Variants in DCHS1 observed in about 807,000 individuals in gnomAD.
DCHS1 encodes dachsous cadherin-related 1.
Under a neutral mutation model 213.9 loss-of-function variants are expected in DCHS1, and 78 were observed. The observed-to-expected ratio is 0.36, with a 90% confidence interval of 0.30 to 0.44. The LOEUF is 0.44. DCHS1 is among the 20% of genes least tolerant of loss of function. DCHS1 has a pLI of 1.00. For synonymous variants in DCHS1, 1,828 were observed against 1,873.7 expected, an observed-to-expected ratio of 0.98 and a Z score of 0.63; for missense variants, 3,946 against 4,395.9, an observed-to-expected ratio of 0.90 and a Z score of 2.89.
rs945496630 is a variant in DCHS1 at position 6,639,924 on chromosome 11, C to T, written c.1690G>A (p.Val564Ile). 6.8e-6 allele frequency: 11 copies of T among 1,613,938 alleles called. No individual in the cohort carries two copies. Among genetic ancestry groups the T allele is most frequent in the Middle Eastern group, 3.3e-4 (2 of 6,084 alleles). The change falls in exon 2 of 21, where the codon GTT becomes ATT. Residue 564 changes from valine to isoleucine, a missense_variant. Around this residue, in one of 3 missense-constraint regions of DCHS1, gnomAD observed 3,384 missense variants for 3,780.1 expected, o/e 0.90. Transcript: ENST00000299441. ...GLPPLASSAT[V>I]SVALQDVNDN... ...TTCACATCTTGCAGGGCCACGCTAA[C>T]TGTGGCAGAGGAGGCTAGAGGGGGC...
At position 6,624,013 on chromosome 11, in the gene DCHS1, C is replaced by T. The variant is rs759967107; in HGVS notation, c.7663G>A (p.Val2555Met). ...TCAAAGTCTAGAGGTTCAAGCAACA[C>T]CAGGCAGCCCAGTGCCCGGGGGCCT... The part of the protein sequence containing the change: ...GPGPRALGCL[V>M]LLEPLDFESL... The change falls in exon 21 of 21, where the codon GTG becomes ATG. Residue 2555 changes from valine (V) to methionine (M), a missense_variant. Val to Met is a conservative substitution (Grantham distance 21). Coordinates refer to ENST00000299441, the MANE Select transcript of DCHS1 (RefSeq NM_003737.4). 6.2e-7 allele frequency: 1 copy of T among 1,613,326 alleles called. No homozygotes were observed. The highest frequency in any genetic ancestry group is 8.5e-7 in the Non-Finnish European group (1 of 1,179,590).
rs765854320 is a variant in DCHS1 at position 6,629,491 on chromosome 11, C to T, written c.5122G>A (p.Ala1708Thr). ...PDTGVLTTLR[A>T]LDREEQEEIN... ...TCCTCCTGTTCCTCTCGATCCAGGG[C>T]CCGAAGAGTCGTGAGAACACCAGTG... The change falls in exon 12 of 21, where the codon GCC (alanine) becomes ACC (threonine). Residue 1708 changes from alanine (A) to threonine (T), a missense_variant. Physicochemically the swap from Ala to Thr is moderately conservative, Grantham distance 58 (BLOSUM62 0). This residue lies in a region of DCHS1 where 3,384 missense variants were observed against 3,780.1 expected (regional missense o/e 0.90). Transcript: ENST00000299441. The T allele has an allele frequency of 3.1e-6, 5 of 1,613,010 alleles. No individual in the cohort carries two copies. Among genetic ancestry groups the T allele is most frequent in the South Asian group, 1.1e-5 (1 of 90,750 alleles).
At position 6,626,280 on chromosome 11, in the gene DCHS1, A is replaced by C. The variant is rs761036725; in HGVS notation, c.6465T>G (p.Thr2155=). The change falls in exon 16 of 21, where the codon ACT becomes ACG. Residue 2155 remains threonine (T), a synonymous_variant. Transcript: ENST00000299441. The surrounding 1 kb of genome is among the most constrained non-coding windows in gnomAD (Gnocchi z 5.2). ...QAESGGAFAF[T]VLTLTLQDAN... is the part of the protein sequence containing the mutation. ...CATCTTGCAGGGTCAGGGTCAGCAC[A>C]GTGAAGGCAAAGGCTCCTCCACTCT... 1.9e-6 allele frequency: 3 copies of C among 1,613,274 alleles called. No homozygotes were observed. The highest frequency in any genetic ancestry group is 2.2e-5 in the South Asian group (2 of 90,854).
Position 6,641,884 on chromosome 11 carries a change from C to G in DCHS1, c.-120-151G>C, listed in dbSNP as rs1856082070. Among the ~76,000 whole-genome samples, 1 of 152,218 alleles carries G rather than the reference C, an allele frequency of 6.6e-6. No homozygotes were observed. Among genetic ancestry groups the G allele is most frequent in the South Asian group, 2.1e-4 (1 of 4,828 alleles). ...TCATCTTGGGCCACACGGATCTCTGCCTCAGGACTCTTCGAGGCCACTCCA... is the reference window on the plus strand; with the variant it reads ...TCATCTTGGGCCACACGGATCTCTGGCTCAGGACTCTTCGAGGCCACTCCA... On this transcript the variant is annotated intron_variant, in intron 1 of 20. Transcript: ENST00000299441. This position sits in a 1 kb window ranked among gnomAD's most constrained non-coding sequence, Gnocchi z 7.1.
At chr11:6,644,332 A>C (rs1856124641) in intron 1 of DCHS1, among the ~76,000 whole-genome samples, 4 of 152,172 alleles carry the variant, frequency 2.6e-5, no homozygotes, top group Non-Finnish European at 5.9e-5. Flanking sequence ...AGCCCTGCCA[A>C]CTTCTCCATG....
intron 1 of DCHS1, among the ~76,000 whole-genome samples, chr11:6,650,869 G>A (rs1856232816): frequency 6.6e-6 from 1 of 152,186 alleles, no homozygotes; most frequent in Non-Finnish European, 1.5e-5. Context: ...ATAAGGGAGA[G>A]GAAGAGGATC....
chr11:6,626,242 G>A lies in DCHS1; in HGVS notation c.6503C>T (p.Ala2168Val). ...TLTLQDANDN[A>V]PRFLRPHYVA... ...ATAATGGGGCCGCAGGAAACGGGGAGCATTGTCGTTGGCATCTTGCAGGGT... is the reference window on the plus strand; with the variant it reads ...ATAATGGGGCCGCAGGAAACGGGGAACATTGTCGTTGGCATCTTGCAGGGT... Residue 2168 changes from alanine to valine, a missense_variant, in exon 16 of 21, where the codon GCT becomes GTT. Ala to Val is a moderately conservative substitution (Grantham distance 64). Transcript: ENST00000299441. This position sits in a 1 kb window ranked among gnomAD's most constrained non-coding sequence, Gnocchi z 5.2. 3 of 1,612,372 alleles carry A rather than the reference G, an allele frequency of 1.9e-6. No individual in the cohort carries two copies. Among genetic ancestry groups the A allele is most frequent in the Non-Finnish European group, 2.5e-6 (3 of 1,179,206 alleles).
Position 6,626,872 on chromosome 11 carries a change from A to G in DCHS1, c.6167T>C (p.Val2056Ala). 1 of 1,613,560 alleles carries G rather than the reference A, an allele frequency of 6.2e-7. No homozygotes were observed. Among genetic ancestry groups the G allele is most frequent in the Non-Finnish European group, 8.5e-7 (1 of 1,179,868 alleles). Residue 2056 changes from valine (V) to alanine (A), a missense_variant, in exon 14 of 21, where the codon GTT becomes GCT. Physicochemically the swap from Val to Ala is moderately conservative, Grantham distance 64. Coordinates refer to ENST00000299441, the MANE Select transcript of DCHS1 (RefSeq NM_003737.4). This position sits in a 1 kb window ranked among gnomAD's most constrained non-coding sequence, Gnocchi z 5.2. The part of the protein sequence containing the change: ...PARSATGVII[V>A]GLQGEAERGP... Reference sequence around the variant, plus strand: ...ACGCTCAGCTTCCCCCTGCAGTCCAACAATGATCACACCAGTGGCAGAGCG... The same window carrying G: ...ACGCTCAGCTTCCCCCTGCAGTCCAGCAATGATCACACCAGTGGCAGAGCG...
In DCHS1 at chr11:6,627,979, C is replaced by G. The variant is rs1855839232; in HGVS notation, c.5372-312G>C. 6.6e-6 allele frequency among the ~76,000 whole-genome samples: 1 copy of G among 152,058 alleles called. No homozygotes were observed. Among genetic ancestry groups the G allele is most frequent in the Non-Finnish European group, 1.5e-5 (1 of 68,032 alleles). ...AGATGTACAGTAGAATTTACAGATG[C>G]TCTATGACGTGATGATATAATGTCT... On this transcript the variant is annotated intron_variant, in intron 13 of 20. Transcript: ENST00000299441. The surrounding 1 kb of genome is among the most constrained non-coding windows in gnomAD (Gnocchi z 5.4).
intron 2 of DCHS1, among the ~76,000 whole-genome samples, chr11:6,638,765 C>A (rs149551429): frequency 7.9e-5 from 12 of 152,234 alleles, no homozygotes; most frequent in African/African-American, 2.6e-4. Context: ...TAAATAAAAT[C>A]TTGAACATAT....
intron 1 of DCHS1, among the ~76,000 whole-genome samples, chr11:6,653,598 C>A (rs1425606548): frequency 6.6e-6 from 1 of 152,040 alleles, no homozygotes; most frequent in African/African-American, 2.4e-5. Context: ...GAAAAAAAAT[C>A]ATCTATTTAT....
rs922566104 is a variant in DCHS1, at chr11:6,629,482, G to C, written c.5131C>G (p.Arg1711Gly). Reference protein sequence around the residue: ...GVLTTLRALDREEQEEINLTV... With the variant: ...GVLTTLRALDGEEQEEINLTV... ...AGGTTGATCTCCTCCTGTTCCTCTC[G>C]ATCCAGGGCCCGAAGAGTCGTGAGA... Residue 1711 changes from arginine (R) to glycine (G), a missense_variant, in exon 12 of 21, where the codon CGA becomes GGA. Coordinates refer to ENST00000299441, the MANE Select transcript of DCHS1 (RefSeq NM_003737.4). 1.9e-6 allele frequency: 3 copies of C among 1,612,916 alleles called. No individual in the cohort carries two copies. The highest frequency in any genetic ancestry group is 1.1e-5 in the South Asian group (1 of 90,766).
chr11:6,641,507 C>T lies in DCHS1; in HGVS notation c.107G>A (p.Gly36Glu). The T allele has an allele frequency of 1.3e-6, 2 of 1,559,008 alleles. No individual in the cohort carries two copies. Among genetic ancestry groups the T allele is most frequent in the Non-Finnish European group, 8.7e-7 (1 of 1,152,738 alleles). The part of the protein sequence containing the change: ...LLLLLLLLGA[G>E]VPGAWGQAGS... ...AGCCTGACCCCAGGCACCTGGCACC[C>T]CAGCCCCCAGCAGCAGCAGCAGCAG... The change falls in exon 2 of 21, where the codon GGG becomes GAG. Residue 36 changes from glycine to glutamate, a missense_variant. Coordinates refer to ENST00000299441, the MANE Select transcript of DCHS1 (RefSeq NM_003737.4). This position sits in a 1 kb window ranked among gnomAD's most constrained non-coding sequence, Gnocchi z 7.1.
In DCHS1 at chr11:6,641,559, G is replaced by T. The variant is rs1294983740; in HGVS notation, c.55C>A (p.Pro19Thr). The T allele has an allele frequency of 4.5e-6, 7 of 1,551,172 alleles. No individual in the cohort carries two copies. The highest frequency in any genetic ancestry group is 6.1e-6 in the Non-Finnish European group (7 of 1,147,296). Reference protein sequence around the residue: ...PSCPGMKSPRPHLLLPLLLLL... With the variant: ...PSCPGMKSPRTHLLLPLLLLL... ...AGCAGCAATGGTAGCAGGAGGTGGG[G>T]CCTGGGGCTCTTCATGCCAGGGCAG... Residue 19 changes from proline (P) to threonine (T), a missense_variant, in exon 2 of 21, where the codon CCC becomes ACC. Coordinates refer to ENST00000299441, the MANE Select transcript of DCHS1 (RefSeq NM_003737.4). The surrounding 1 kb of genome is among the most constrained non-coding windows in gnomAD (Gnocchi z 7.1).
chr11:6,628,535 A>T lies in DCHS1; in HGVS notation c.5371+86T>A. The T allele has an allele frequency of 6.8e-7, 1 of 1,470,848 alleles. No individual in the cohort carries two copies. Among genetic ancestry groups the T allele is most frequent in the Non-Finnish European group, 9.5e-7 (1 of 1,054,048 alleles). 91.1% of individuals were successfully genotyped at this position (1,470,848 alleles called of 1,614,324 possible). ...TCAAGAGGGAAAAGGAGACCCAGAC[A>T]CATGCACTGAGGCTGACAGCAGCCA... On this transcript the variant is annotated intron_variant, in intron 13 of 20. Coordinates refer to ENST00000299441, the MANE Select transcript of DCHS1 (RefSeq NM_003737.4). The surrounding 1 kb of genome is among the most constrained non-coding windows in gnomAD (Gnocchi z 4.3).
chr11:6,639,961 T>C lies in DCHS1; in HGVS notation c.1653A>G (p.Thr551=), dbSNP rs754103781. 6.2e-7 allele frequency: 1 copy of C among 1,614,002 alleles called. No homozygotes were observed. The highest frequency in any genetic ancestry group is 1.1e-5 in the South Asian group (1 of 91,080). The part of the protein sequence containing the change: ...EPQPQLIVVA[T]DGGLPPLASS... Reference sequence around the variant, plus strand: ...AGGCTAGAGGGGGCAGGCCACCATCTGTGGCCACCACAATCAGCTGTGGCT... The same window carrying C: ...AGGCTAGAGGGGGCAGGCCACCATCCGTGGCCACCACAATCAGCTGTGGCT... The change falls in exon 2 of 21, where the codon ACA becomes ACG. Residue 551 remains threonine (T), a synonymous_variant. Transcript: ENST00000299441.
Position 6,622,524 on chromosome 11 carries a change from G to T in DCHS1, c.9152C>A (p.Pro3051His). ...DDEIRMINEF[P>H]RVASVASSLA... is the part of the protein sequence containing the mutation. ...AGAGGAGGCCACACTGGCCACACGGGGGAACTCATTGATCATGCGGATCTC... is the reference window on the plus strand; with the variant it reads ...AGAGGAGGCCACACTGGCCACACGGTGGAACTCATTGATCATGCGGATCTC... Residue 3051 changes from proline to histidine, a missense_variant, in exon 21 of 21, where the codon CCC (proline) becomes CAC (histidine). This residue lies in a region of DCHS1 where 554 missense variants were observed against 590.2 expected (regional missense o/e 0.94). Transcript: ENST00000299441. This position sits in a 1 kb window ranked among gnomAD's most constrained non-coding sequence, Gnocchi z 5.4. 6.3e-7 allele frequency: 1 copy of T among 1,579,444 alleles called. No homozygotes were observed.
Position 6,633,815 on chromosome 11 carries a change from G to T in DCHS1, c.2192C>A (p.Pro731Gln), listed in dbSNP as rs528648883. The T allele has an allele frequency of 1.3e-5, 21 of 1,613,596 alleles. No homozygotes were observed. The Admixed American group carries it at 1.5e-4, about 12-fold the overall frequency. Residue 731 changes from proline (P) to glutamine (Q), a missense_variant, in exon 4 of 21, where the codon CCA (proline) becomes CAA (glutamine). Pro to Gln is a moderately conservative substitution (Grantham distance 76). Around this residue, in one of 3 missense-constraint regions of DCHS1, gnomAD observed 3,384 missense variants for 3,780.1 expected, o/e 0.90. Transcript: ENST00000299441. ...TGATTGCTCATCCAAGGTAAAAAGT[G>T]GGGGGCTGTTGCCAGCCAGGATATG... is the stretch of plus-strand genomic sequence containing the variant. Reference protein sequence around the residue: ...SYHILAGNSPPLFTLDEQSGL... With the variant: ...SYHILAGNSPQLFTLDEQSGL...
In DCHS1 at chr11:6,640,792, G is replaced by A; in HGVS notation, c.822C>T (p.Val274=). ...VSESLAPGSP[V]LQVFASDADA... ...CGGCATCAGATGCGAACACCTGCAA[G>A]ACAGGACTGCCAGGGGCCAGGCTCT... The change falls in exon 2 of 21, where the codon GTC becomes GTT. Residue 274 remains valine, a synonymous_variant. Transcript: ENST00000299441. This position sits in a 1 kb window ranked among gnomAD's most constrained non-coding sequence, Gnocchi z 6.5. 1 of 1,614,054 alleles carries A rather than the reference G, an allele frequency of 6.2e-7. No individual in the cohort carries two copies. Among genetic ancestry groups the A allele is most frequent in the Non-Finnish European group, 8.5e-7 (1 of 1,179,906 alleles).
Sources: allele counts gnomAD v4.1 joint callset (sites outside exome capture counted in the v4.1 genomes callset), GRCh38; gene constraint gnomAD v4.1.1; regional missense constraint gnomAD v4.1.1; non-coding constraint Gnocchi (gnomAD v3.1); transcripts MANE v1.5; gene names NCBI Gene and HGNC (gene_info 2026-07-23, HGNC 2026-07-21).